The following DRC11 variants were observed in gnomAD, a reference collection of about 807,000 sequenced individuals.
DRC11 encodes dynein regulatory complex subunit 11.
At chr2:236,317,115 G>T in the DRC11 span, among the ~76,000 whole-genome samples, 2 of 152,096 alleles carry the variant, frequency 1.3e-5, no homozygotes, top group African/African-American at 4.8e-5. This position sits in a 1 kb window ranked among gnomAD's most constrained non-coding sequence, Gnocchi z 5.4. Context: ...GGCCAACATG[G>T]TGAAACTCCG....
At chr2:236,374,572 G>A in the DRC11 span, among the ~76,000 whole-genome samples, 1 of 152,192 alleles carries the variant, frequency 6.6e-6, no homozygotes, top group African/African-American at 2.4e-5. Flanking sequence ...GAGGCCTCAG[G>A]AAACTTACAA....
At chr2:236,447,884 G>A in the DRC11 span, among the ~76,000 whole-genome samples, 1 of 152,166 alleles carries the variant, frequency 6.6e-6, no homozygotes, top group South Asian at 2.1e-4. This position sits in a 1 kb window ranked among gnomAD's most constrained non-coding sequence, Gnocchi z 4.6. Context: ...AGCTGGCCAG[G>A]GGAGGGTGGG....
the DRC11 span, among the ~76,000 whole-genome samples, chr2:236,380,215 A>C: frequency 6.6e-6 from 1 of 152,226 alleles, no homozygotes; most frequent in Non-Finnish European, 1.5e-5. The surrounding 1 kb of genome is among the most constrained non-coding windows in gnomAD (Gnocchi z 4.9). Flanking sequence ...CGGCCTCAGC[A>C]GAGGCGCTCG....
At chr2:236,343,915 G>A in the DRC11 span, among the ~76,000 whole-genome samples, 42 of 152,260 alleles carry the variant, frequency 2.8e-4, no homozygotes, top group African/African-American at 9.1e-4. The surrounding 1 kb of genome is among the most constrained non-coding windows in gnomAD (Gnocchi z 6.6). Context: ...TAATACATAA[G>A]GATCAAAAGT....
chr2:236,405,418 C>T, the DRC11 span, among the ~76,000 whole-genome samples: 4 of 151,858 alleles, frequency 2.6e-5, no homozygotes, highest in African/African-American at 4.8e-5. This position sits in a 1 kb window ranked among gnomAD's most constrained non-coding sequence, Gnocchi z 4.6. Context: ...CAAACTGAGC[C>T]ATTTCCATGG....
chr2:236,493,902 G>C, the DRC11 span: 2 of 1,574,036 alleles, frequency 1.3e-6, no homozygotes, highest in South Asian at 2.4e-5. Flanking sequence ...AGAAGAGAAA[G>C]AATAAAAAAG....
chr2:236,388,169 T>C, the DRC11 span, among the ~76,000 whole-genome samples: 1 of 152,060 alleles, frequency 6.6e-6, no homozygotes, highest in Non-Finnish European at 1.5e-5. Flanking sequence ...GGAGTATCTT[T>C]GTGGCGTTCT....
At chr2:236,306,923 T>C in the DRC11 span, among the ~76,000 whole-genome samples, 3 of 152,208 alleles carry the variant, frequency 2.0e-5, no homozygotes, top group African/African-American at 4.8e-5. This position sits in a 1 kb window ranked among gnomAD's most constrained non-coding sequence, Gnocchi z 5.9. Context: ...AAAGAGGTTA[T>C]GTCCGTCCCA....
At chr2:236,352,051 C>T in the DRC11 span, among the ~76,000 whole-genome samples, 6 of 152,028 alleles carry the variant, frequency 3.9e-5, no homozygotes, top group African/African-American at 1.5e-4. This position sits in a 1 kb window ranked among gnomAD's most constrained non-coding sequence, Gnocchi z 7.0. Flanking sequence ...TAGATGAGGC[C>T]GGGAGAGGGT....
the DRC11 span, among the ~76,000 whole-genome samples, chr2:236,428,783 CTGAT>C: frequency 3.7e-4 from 57 of 152,280 alleles, no homozygotes; most frequent in African/African-American, 1.4e-3. Flanking sequence ...TTATTACTTT[CTGAT>C]TGTCTTGTAA....
the DRC11 span, among the ~76,000 whole-genome samples, chr2:236,460,785 C>T: frequency 7.9e-4 from 120 of 152,250 alleles, no homozygotes; most frequent in Non-Finnish European, 1.3e-3. The surrounding 1 kb of genome is among the most constrained non-coding windows in gnomAD (Gnocchi z 4.0). Flanking sequence ...GACAGAGTCT[C>T]GCTCTGTCTT....
the DRC11 span, chr2:236,344,614 C>T: frequency 6.2e-7 from 1 of 1,613,750 alleles, no homozygotes; most frequent in Non-Finnish European, 8.5e-7. Context: ...CTTCAATCCA[C>T]ACCACGGAGG....
At chr2:236,467,372 GA>G in the DRC11 span, among the ~76,000 whole-genome samples, 6 of 151,872 alleles carry the variant, frequency 4.0e-5, no homozygotes, top group East Asian at 7.7e-4. Flanking sequence ...GCAAATAGGA[GA>G]AAAAAAATCA....
At chr2:236,472,965 G>C in the DRC11 span, among the ~76,000 whole-genome samples, 10 of 152,282 alleles carry the variant, frequency 6.6e-5, no homozygotes, top group Admixed American at 6.5e-4. The surrounding 1 kb of genome is among the most constrained non-coding windows in gnomAD (Gnocchi z 4.6). Flanking sequence ...CCAAGGTGCT[G>C]CTTCCTTCCC....
chr2:236,344,562 T>C, the DRC11 span: 4 of 1,612,512 alleles, frequency 2.5e-6, no homozygotes, highest in South Asian at 3.3e-5. Flanking sequence ...CTCACCATCT[T>C]TTCTGCGTTG....
chr2:236,463,883 G>A, the DRC11 span, among the ~76,000 whole-genome samples: 1 of 152,196 alleles, frequency 6.6e-6, no homozygotes, highest in African/African-American at 2.4e-5. This position sits in a 1 kb window ranked among gnomAD's most constrained non-coding sequence, Gnocchi z 5.0. Flanking sequence ...TCATCTGATG[G>A]CTCACCTGGG....
chr2:236,392,256 C>T, the DRC11 span: 3 of 1,588,220 alleles, frequency 1.9e-6, no homozygotes, highest in African/African-American at 4.0e-5. The surrounding 1 kb of genome is among the most constrained non-coding windows in gnomAD (Gnocchi z 5.1). Context: ...GTATCCTGAT[C>T]TCTGACTGTA....
chr2:236,306,738 T>C, the DRC11 span, among the ~76,000 whole-genome samples: 1 of 152,150 alleles, frequency 6.6e-6, no homozygotes, highest in African/African-American at 2.4e-5. This position sits in a 1 kb window ranked among gnomAD's most constrained non-coding sequence, Gnocchi z 5.9. Flanking sequence ...AGATCCCTCA[T>C]TCTAATAAGG....
At chr2:236,397,619 C>T in the DRC11 span, among the ~76,000 whole-genome samples, 1 of 152,254 alleles carries the variant, frequency 6.6e-6, no homozygotes, top group Non-Finnish European at 1.5e-5. The surrounding 1 kb of genome is among the most constrained non-coding windows in gnomAD (Gnocchi z 5.0). Flanking sequence ...CTTATAGGTA[C>T]ATGCAGTACC....
Sources: gnomAD v4.1 joint callset for allele counts (sites outside exome capture counted in the v4.1 genomes callset) on GRCh38, gnomAD v4.1.1 for gene constraint, Gnocchi (gnomAD v3.1) non-coding constraint, MANE v1.5 for transcripts, NCBI Gene and HGNC (gene_info 2026-07-23, HGNC 2026-07-21) for gene names.